Variants in ANLN observed in about 807,000 individuals in gnomAD.
ANLN encodes the protein anillin, actin binding protein.
Under a neutral mutation model 135.1 loss-of-function variants are expected in ANLN, and 59 were observed. The observed-to-expected ratio is 0.44, with a 90% CI of 0.35 to 0.54. ANLN has a LOEUF of 0.54. Among genes scored for constraint, ANLN ranks in the 20% least tolerant of loss-of-function variants. The probability of loss-of-function intolerance (pLI) is 0.00; values close to 1 mark genes in which losing one functional copy is unlikely to be tolerated. For missense variants in ANLN, 1,182 were observed against 1,340.0 expected (o/e 0.88, Z 1.84); for synonymous variants, 406 against 456.4 (o/e 0.89, Z 1.41).
At chr7:36,431,605 A>G (rs1231809052) in intron 20 of ANLN, among the ~76,000 whole-genome samples, 1,158 of 41,472 alleles carry the variant, frequency 0.028, 11 homozygotes, top group East Asian at 0.053. Flanking sequence ...GTGTATATAT[A>G]TATATATATA....
At chr7:36,426,624 C>G (rs1249220870) in intron 19 of ANLN, among the ~76,000 whole-genome samples, 1 of 152,136 alleles carries the variant, frequency 6.6e-6, no homozygotes, top group Non-Finnish European at 1.5e-5. Flanking sequence ...TGCATTATAA[C>G]TAGCACTGAA....
rs2116698156 is a variant in ANLN, at chr7:36,427,043, T to C, written c.2883+15T>C. 1 of 1,533,474 alleles carries C rather than the reference T, an allele frequency of 6.5e-7. No homozygotes were observed. The highest frequency in any genetic ancestry group is 1.4e-5 in the African/African-American group (1 of 72,156). The allele number at this position is 1,533,474 out of a possible 1,614,324, so 95.0% of individuals were successfully genotyped here. On this transcript the variant is annotated intron_variant, in intron 20 of 23. Transcript: ENST00000265748. ...TTCTGGACAAGGTAATCCAACTTTA[T>C]TTCTAAGGGTGTGGTGTTTTTTTTT...
intron 22 of ANLN, among the ~76,000 whole-genome samples, chr7:36,444,937 A>G (rs1461113566): frequency 6.6e-6 from 1 of 151,974 alleles, no homozygotes; most frequent in Non-Finnish European, 1.5e-5. Flanking sequence ...TATTTTAAAA[A>G]TTTGTGAAAT....
At chr7:36,423,301 A>T (rs1486974641) in intron 14 of ANLN, among the ~76,000 whole-genome samples, 1 of 152,106 alleles carries the variant, frequency 6.6e-6, no homozygotes, top group Admixed American at 6.5e-5. Context: ...TTAGGTTCTA[A>T]TTCTTGATGT....
intron 3 of ANLN, among the ~76,000 whole-genome samples, chr7:36,402,654 CT>C (rs1335838699): frequency 6.6e-6 from 1 of 152,116 alleles, no homozygotes; most frequent in Non-Finnish European, 1.5e-5. Context: ...GTAACTCTTG[CT>C]TTTCTACTGC....
At chr7:36,404,264 C>A (rs1226608184) in intron 3 of ANLN, among the ~76,000 whole-genome samples, 1 of 152,200 alleles carries the variant, frequency 6.6e-6, no homozygotes, top group Non-Finnish European at 1.5e-5. Flanking sequence ...GCCCTTTGCA[C>A]CTTGCCAGTA....
intron 3 of ANLN, among the ~76,000 whole-genome samples, chr7:36,400,082 CAAAG>C (rs1670932738): frequency 6.6e-6 from 1 of 151,608 alleles, no homozygotes; most frequent in Non-Finnish European, 1.5e-5. Flanking sequence ...GAAGGGAAAA[CAAAG>C]AAGTGAAAAG....
chr7:36,400,148 C>G (rs1168837967), intron 3 of ANLN, among the ~76,000 whole-genome samples: 3 of 152,148 alleles, frequency 2.0e-5, no homozygotes, highest in Non-Finnish European at 4.4e-5. Flanking sequence ...TGCTAGAGGC[C>G]TATGCGAAGA....
rs376452404 is a variant in ANLN at position 36,411,030 on chromosome 7, G to A, written c.1288-29G>A. On this transcript the variant is annotated intron_variant, in intron 6 of 23. Transcript: ENST00000265748. ...GATGTTAAACATGCTACCGGCTCTT[G>A]TGTAAAATACAGCTTTTGATGGGTT... The A allele has an allele frequency of 5.8e-6, 9 of 1,554,230 alleles. No homozygotes were observed. The African/African-American group carries it at 1.3e-4, about 22-fold the overall frequency.
chr7:36,452,404 C>T, intron 23 of ANLN, 73 bp from the exon 24 acceptor site: 5 of 1,565,008 alleles, frequency 3.2e-6, no homozygotes, highest in Admixed American at 1.8e-5. Flanking sequence ...CATTTTTTTC[C>T]CTAGCAAGAG....
chr7:36,432,044 GT>G (rs540889428), intron 20 of ANLN, among the ~76,000 whole-genome samples: 6 of 151,886 alleles, frequency 4.0e-5, no homozygotes, highest in East Asian at 1.9e-4. Flanking sequence ...GATGAAAACA[GT>G]TTTTTTTCAT....
rs147758353 is a variant in ANLN at position 36,417,093 on chromosome 7, C to T, written c.1536C>T (p.Cys512=). 153 of 1,593,306 alleles carry T rather than the reference C, an allele frequency of 9.6e-5. 1 individual carries two copies. In the African/African-American group the frequency reaches 1.4e-3, roughly 15 times the overall value. ...AAACATTTTTAGGTTTCACTGAATG[C>T]GAAATGACGAAATCTAGCCCTTTGA... The part of the protein sequence containing the change: ...SSTEPKGFTE[C]EMTKSSPLKI... Residue 512 remains cysteine, a synonymous_variant, in exon 9 of 24, where the codon TGC becomes TGT. Transcript: ENST00000265748.
chr7:36,448,137 C>T (rs967065127), intron 22 of ANLN, among the ~76,000 whole-genome samples: 1 of 152,126 alleles, frequency 6.6e-6, no homozygotes, highest in Admixed American at 6.5e-5. Context: ...CCTCAGCCTC[C>T]CGAGTAGCTG....
At chr7:36,405,548 T>G (rs1251622256) in intron 3 of ANLN, among the ~76,000 whole-genome samples, 2 of 152,180 alleles carry the variant, frequency 1.3e-5, no homozygotes, top group African/African-American at 4.8e-5. Context: ...ATACATGCCC[T>G]AGGGAAGGCC....
intron 20 of ANLN, among the ~76,000 whole-genome samples, chr7:36,432,976 T>C (rs79630290): frequency 0.02 from 3,007 of 152,278 alleles, 47 homozygotes; most frequent in Middle Eastern, 0.054. Context: ...TACTTTTTCT[T>C]TAATCAGTTT....
chr7:36,390,471 T>A, intron 1 of ANLN: 1 of 198,080 alleles, frequency 5.0e-6, no homozygotes, highest in Non-Finnish European at 1.0e-5. Flanking sequence ...GTAGGATGTG[T>A]GATTTGCGGA....
At chr7:36,423,598 A>G (rs1234656924) in intron 14 of ANLN, among the ~76,000 whole-genome samples, 3 of 152,130 alleles carry the variant, frequency 2.0e-5, no homozygotes, top group Non-Finnish European at 4.4e-5. Context: ...TTCAATTTAC[A>G]TAACAGGGAG....
At chr7:36,449,110 G>A (rs2116832323) in intron 22 of ANLN, 1 of 152,298 alleles carries the variant, frequency 6.6e-6, no homozygotes, top group Non-Finnish European at 1.5e-5. Flanking sequence ...TGGCTCATGT[G>A]TGCCTATATG....
chr7:36,425,301 T>TC (rs1788035601), intron 17 of ANLN, among the ~76,000 whole-genome samples: 1 of 149,928 alleles, frequency 6.7e-6, no homozygotes, highest in Non-Finnish European at 1.5e-5. Flanking sequence ...TTCTTTTTTT[T>TC]TTTTTTTTTT....
Sources: gnomAD v4.1 joint callset for allele counts (sites outside exome capture counted in the v4.1 genomes callset) on GRCh38, gnomAD v4.1.1 for gene constraint, MANE v1.5 for transcripts, NCBI Gene and HGNC (gene_info 2026-07-23, HGNC 2026-07-21) for gene names.